The following PIK3C2G variants were observed in gnomAD, a reference collection of about 807,000 sequenced individuals.
PIK3C2G encodes phosphatidylinositol 3-kinase C2 domain-containing subunit gamma.
In PIK3C2G, 168 loss-of-function variants were observed where a neutral mutation model predicts 181.1. That is an observed-to-expected ratio of 0.93 (90% CI 0.82 to 1.05). The LOEUF is 1.05. Among genes scored for constraint, PIK3C2G ranks in the 50% least tolerant of loss-of-function variants. The pLI is 0.00. For synonymous variants in PIK3C2G, 573 were observed against 592.2 expected (o/e 0.97, Z 0.47); for missense variants, 1,869 against 1,732.8 (o/e 1.08, Z -1.40).
the PIK3C2G span, among the ~76,000 whole-genome samples, chr12:18,658,549 A>G: frequency 6.6e-6 from 1 of 152,158 alleles, no homozygotes; most frequent in African/African-American, 2.4e-5. Context: ...AAAAGAAAAG[A>G]CCATCAACCA....
rs556692261 is a variant in PIK3C2G at position 18,637,209 on chromosome 12, G to A, written c.4183-3220G>A. On this transcript the variant is annotated intron_variant, in intron 31 of 32. Transcript: ENST00000538779. ...ACAGTTTTCCTCGTAAAAACCCATA[G>A]GTCCCTTTGAATAAAGATTAACAGT... 2.5e-4 allele frequency among the ~76,000 whole-genome samples: 38 copies of A among 151,988 alleles called. 1 individual carries two copies. Among genetic ancestry groups the A allele is most frequent in the Admixed American group, 9.8e-4 (15 of 15,240 alleles).
chr12:18,636,036 A>G (rs1405491860), intron 31 of PIK3C2G, among the ~76,000 whole-genome samples: 1 of 152,228 alleles, frequency 6.6e-6, no homozygotes, highest in Non-Finnish European at 1.5e-5. Context: ...ACCCTCTGAC[A>G]TGCAAAAGTC....
intron 24 of PIK3C2G, among the ~76,000 whole-genome samples, chr12:18,526,965 A>C (rs1402653236): frequency 6.6e-6 from 1 of 152,172 alleles, no homozygotes; most frequent in African/African-American, 2.4e-5. Flanking sequence ...AAGACAAATA[A>C]ATTTTCTCCA....
the PIK3C2G span, among the ~76,000 whole-genome samples, chr12:18,672,068 A>G: frequency 6.6e-5 from 10 of 152,232 alleles, no homozygotes; most frequent in Non-Finnish European, 1.0e-4. Context: ...CGATTTCAGC[A>G]TATGAATTTT....
chr12:18,711,631 G>A, the PIK3C2G span, among the ~76,000 whole-genome samples: 1 of 151,710 alleles, frequency 6.6e-6, no homozygotes, highest in African/African-American at 2.4e-5. Flanking sequence ...GGTTACAGTT[G>A]GCAAAAAAGG....
At chr12:18,528,168 G>A (rs12306029) in intron 24 of PIK3C2G, among the ~76,000 whole-genome samples, 2,880 of 152,124 alleles carry the variant, frequency 0.019, 106 homozygotes, top group African/African-American at 0.065. Context: ...TTCCAAATTT[G>A]CCTTCTCAAT....
intron 5 of PIK3C2G, among the ~76,000 whole-genome samples, chr12:18,295,219 G>A (rs1949886584): frequency 6.6e-6 from 1 of 150,950 alleles, no homozygotes; most frequent in African/African-American, 2.4e-5. Flanking sequence ...CTTTTTATTT[G>A]AACTTATTAA....
intron 1 of PIK3C2G, among the ~76,000 whole-genome samples, chr12:18,265,481 T>A (rs187280352): frequency 6.6e-6 from 1 of 152,264 alleles, no homozygotes; most frequent in Admixed American, 6.5e-5. Context: ...CATTAATTCA[T>A]CTTAAAACAC....
intron 11 of PIK3C2G, among the ~76,000 whole-genome samples, chr12:18,361,742 T>C (rs530057202): frequency 9.5e-4 from 144 of 152,318 alleles, no homozygotes; most frequent in African/African-American, 3.4e-3. Context: ...TGTGAGGTGA[T>C]CAGATCTTTT....
chr12:18,467,146 T>C (rs1383428951), intron 18 of PIK3C2G, among the ~76,000 whole-genome samples: 2 of 152,034 alleles, frequency 1.3e-5, no homozygotes, highest in African/African-American at 4.8e-5. Context: ...CACAAATAAT[T>C]TGATACTGTT....
Position 18,505,339 on chromosome 12 carries a change from A to T in PIK3C2G, c.3201A>T (p.Thr1067=). 2 of 1,612,958 alleles carry T rather than the reference A, an allele frequency of 1.2e-6. No homozygotes were observed. Among genetic ancestry groups the T allele is most frequent in the Non-Finnish European group, 1.7e-6 (2 of 1,179,364 alleles). Residue 1067 remains threonine, a synonymous_variant, in exon 24 of 33, where the codon ACA becomes ACT. Coordinates refer to ENST00000538779, the MANE Select transcript of PIK3C2G (RefSeq NM_001288772.2). ...CCTGTGCTGGCTGGTGTGTGGTAAC[A>T]TTCATCCTGGGAGTATGTGACCGTC... ...FYSCAGWCVV[T]FILGVCDRHN...
At chr12:18,683,085 T>G in the PIK3C2G span, 1 of 701,056 alleles carries the variant, frequency 1.4e-6, no homozygotes, top group Non-Finnish European at 2.4e-6. Flanking sequence ...CTTCCACTGA[T>G]TTATTTTTGT....
chr12:18,558,531 A>G (rs1311767511), intron 26 of PIK3C2G, among the ~76,000 whole-genome samples: 2 of 152,174 alleles, frequency 1.3e-5, no homozygotes, highest in African/African-American at 4.8e-5. Flanking sequence ...TTCTTATGCA[A>G]TTGTGCCCTT....
intron 12 of PIK3C2G, among the ~76,000 whole-genome samples, chr12:18,365,062 T>C (rs527433643): frequency 3.3e-5 from 5 of 152,306 alleles, no homozygotes; most frequent in African/African-American, 1.2e-4. Context: ...CTAAACTCAA[T>C]TTCAAAGAAA....
chr12:18,363,773 G>A (rs1941440519), intron 12 of PIK3C2G, among the ~76,000 whole-genome samples: 1 of 152,028 alleles, frequency 6.6e-6, no homozygotes. Flanking sequence ...ATGTTAGATA[G>A]CACCATCTAT....
intron 10 of PIK3C2G, among the ~76,000 whole-genome samples, chr12:18,344,550 G>C (rs535366828): frequency 6.6e-6 from 1 of 152,044 alleles, no homozygotes. Flanking sequence ...AGCTGCAGGC[G>C]TGTCTGTATG....
chr12:18,534,391 T>C (rs537798985), intron 24 of PIK3C2G, among the ~76,000 whole-genome samples: 1 of 152,226 alleles, frequency 6.6e-6, no homozygotes, highest in South Asian at 2.1e-4. Flanking sequence ...ATCTGTAAAA[T>C]AATCACTCTC....
At chr12:18,642,125 C>T (rs1949873675) in intron 32 of PIK3C2G, among the ~76,000 whole-genome samples, 1 of 152,104 alleles carries the variant, frequency 6.6e-6, no homozygotes, top group African/African-American at 2.4e-5. Context: ...GGCTTTCCTC[C>T]ATTCATTCTT....
At chr12:18,307,166 A>T (rs1265109811) in intron 5 of PIK3C2G, among the ~76,000 whole-genome samples, 1 of 148,138 alleles carries the variant, frequency 6.8e-6, no homozygotes, top group African/African-American at 2.5e-5. Flanking sequence ...ATATTGCCTC[A>T]GAAATACTTT....
Sources: allele counts gnomAD v4.1 joint callset (sites outside exome capture counted in the v4.1 genomes callset), GRCh38; gene constraint gnomAD v4.1.1; transcripts MANE v1.5; gene names NCBI Gene and HGNC (gene_info 2026-07-23, HGNC 2026-07-21).